OSBPL10: variants seen among roughly 807,000 people sequenced by gnomAD.
OSBPL10 encodes the protein oxysterol binding protein like 10.
A neutral mutation model predicts 81.7 loss-of-function variants in OSBPL10; 49 were observed. The observed-to-expected ratio is 0.60, with a 90% CI of 0.48 to 0.76. The LOEUF (loss-of-function observed/expected upper bound fraction) is 0.76, where lower values mean the gene tolerates loss of function less well. Among genes scored for constraint, OSBPL10 ranks in the 30% least tolerant of loss-of-function variants. The pLI, the probability that OSBPL10 is intolerant of heterozygous loss-of-function variation, is 0.00. For missense variants in OSBPL10, 923 were observed against 987.8 expected (o/e 0.93, Z 0.88); for synonymous variants, 419 against 383.6 (o/e 1.09, Z -1.08).
At chr3:32,028,182 T>G (rs1699434500) in intron 2 of OSBPL10, among the ~76,000 whole-genome samples, 1 of 152,240 alleles carries the variant, frequency 6.6e-6, no homozygotes, top group African/African-American at 2.4e-5. Context: ...TACTCATAGA[T>G]ATAAATGTAT....
At chr3:32,025,794 A>G (rs1575087778) in intron 2 of OSBPL10, among the ~76,000 whole-genome samples, 1 of 152,094 alleles carries the variant, frequency 6.6e-6, no homozygotes, top group Non-Finnish European at 1.5e-5. Flanking sequence ...TTTTACTTCT[A>G]TAAGGTCAGT....
intron 3 of OSBPL10, among the ~76,000 whole-genome samples, chr3:31,857,949 G>C (rs180690602): frequency 7.3e-4 from 110 of 151,174 alleles, no homozygotes; most frequent in African/African-American, 2.6e-3. Context: ...TCCCGTTTTT[G>C]TTTGACTGGT....
intron 1 of OSBPL10, among the ~76,000 whole-genome samples, chr3:31,933,399 A>G (rs1393867739): frequency 1.4e-5 from 2 of 144,422 alleles, no homozygotes; most frequent in Non-Finnish European, 3.1e-5. Context: ...TAAGGGGGAA[A>G]CAATAAATTT....
chr3:31,790,412 CAAG>C lies in OSBPL10; in HGVS notation c.729+39625_729+39627del, dbSNP rs369374499. ...ACCCATGAACCCCTGAGTATGCGCT[CAAG>C]AAGAAATGTGTCCTCAATCATCCTC... On this transcript the variant is annotated intron_variant, in intron 4 of 11. Transcript: ENST00000396556. 9.2e-3 allele frequency among the ~76,000 whole-genome samples: 1,400 copies of C among 152,278 alleles called. 16 individuals are homozygous for C. Among genetic ancestry groups the C allele is most frequent in the Non-Finnish European group, 0.013 (873 of 68,028 alleles).
At chr3:31,914,601 T>G (rs1209048159) in intron 1 of OSBPL10, among the ~76,000 whole-genome samples, 1 of 152,158 alleles carries the variant, frequency 6.6e-6, no homozygotes. Context: ...TGGAATTATT[T>G]GAGCCCGAGA....
chr3:31,749,634 G>T (rs1697651730), intron 4 of OSBPL10, among the ~76,000 whole-genome samples: 1 of 152,048 alleles, frequency 6.6e-6, no homozygotes, highest in Non-Finnish European at 1.5e-5. Context: ...GGCCAACATG[G>T]TGAAACCCCA....
At chr3:31,923,207 CT>C (rs1256803352) in intron 1 of OSBPL10, among the ~76,000 whole-genome samples, 3 of 152,100 alleles carry the variant, frequency 2.0e-5, no homozygotes, top group Non-Finnish European at 4.4e-5. Context: ...GCTATCCAGA[CT>C]GGTGGAGGAA....
In OSBPL10 at chr3:31,716,036, G is replaced by A. The variant is rs551751129; in HGVS notation, c.1096-13528C>T. ...TAAAGCACTGTGGGAATGCAGAGTG[G>A]CAGCGGGAAAGGCTCTAAATTAGGT... On this transcript the variant is annotated intron_variant, in intron 6 of 11. Transcript: ENST00000396556. 1.3e-3 allele frequency among the ~76,000 whole-genome samples: 200 copies of A among 152,256 alleles called. 1 individual carries two copies. Among genetic ancestry groups the A allele is most frequent in the African/African-American group, 4.2e-3 (175 of 41,532 alleles).
intron 4 of OSBPL10, among the ~76,000 whole-genome samples, chr3:31,766,927 T>C (rs1698219307): frequency 6.6e-6 from 1 of 152,156 alleles, no homozygotes. Context: ...TCCTCTTTCT[T>C]TCATTTGCAG....
chr3:31,784,271 A>G (rs1698800087), intron 4 of OSBPL10, among the ~76,000 whole-genome samples: 1 of 151,942 alleles, frequency 6.6e-6, no homozygotes, highest in Non-Finnish European at 1.5e-5. Context: ...CTGAGGCATG[A>G]GAATTGTTTG....
intron 1 of OSBPL10, among the ~76,000 whole-genome samples, chr3:32,075,614 A>C (rs577006124): frequency 6.6e-6 from 1 of 152,266 alleles, no homozygotes; most frequent in Non-Finnish European, 1.5e-5. Flanking sequence ...CTTCAGTTGA[A>C]TCTTTCCCAC....
At chr3:31,915,160 A>AT (rs55645684) in intron 1 of OSBPL10, among the ~76,000 whole-genome samples, 25,028 of 147,410 alleles carry the variant, frequency 0.17, 2,386 homozygotes, top group East Asian at 0.3. Context: ...CTTTGAACAC[A>AT]TTTTTTTTTT....
intron 1 of OSBPL10, among the ~76,000 whole-genome samples, chr3:31,891,111 C>T (rs1695880111): frequency 6.6e-6 from 1 of 152,148 alleles, no homozygotes; most frequent in South Asian, 2.1e-4. Context: ...TCTCTAAATT[C>T]CACCGTCCCT....
At chr3:31,936,806 C>T (rs185743827) in intron 1 of OSBPL10, among the ~76,000 whole-genome samples, 127 of 152,310 alleles carry the variant, frequency 8.3e-4, no homozygotes, top group Non-Finnish European at 1.6e-3. Context: ...CTATGCTCTA[C>T]ACTGGGAAAG....
intron 4 of OSBPL10, among the ~76,000 whole-genome samples, chr3:31,773,800 C>G (rs1160435944): frequency 6.6e-6 from 1 of 152,246 alleles, no homozygotes; most frequent in Admixed American, 6.5e-5. Context: ...GCAGTGCACA[C>G]TGCCTGGCAT....
At chr3:32,015,625 C>A (rs960882248) in intron 2 of OSBPL10, among the ~76,000 whole-genome samples, 4 of 152,304 alleles carry the variant, frequency 2.6e-5, no homozygotes, top group Admixed American at 1.3e-4. Flanking sequence ...TAAAGAGCTT[C>A]TGCACAGCAA....
chr3:31,731,847 TG>T (rs2125662494), intron 6 of OSBPL10, among the ~76,000 whole-genome samples: 1 of 152,264 alleles, frequency 6.6e-6, no homozygotes, highest in Admixed American at 6.5e-5. Flanking sequence ...TGCTACTGAC[TG>T]GTGAGGCAAA....
At chr3:31,760,145 C>T (rs971647589) in intron 4 of OSBPL10, among the ~76,000 whole-genome samples, 9 of 152,146 alleles carry the variant, frequency 5.9e-5, no homozygotes, top group African/African-American at 9.7e-5. Context: ...TGAAGGTCTT[C>T]GTCCTTTTCT....
At chr3:31,759,095 C>CTTTTTTTTTTTTTTTTTTTTTT (rs1559452204) in intron 4 of OSBPL10, among the ~76,000 whole-genome samples, 2 of 152,066 alleles carry the variant, frequency 1.3e-5, no homozygotes, top group African/African-American at 4.8e-5. Flanking sequence ...TTAGAAATTC[C>CTTTTTTTTTTTTTTTTTTTTTT]ATTTGTCAGA....
Sources: gnomAD v4.1 joint callset for allele counts (sites outside exome capture counted in the v4.1 genomes callset) on GRCh38, gnomAD v4.1.1 for gene constraint, MANE v1.5 for transcripts, NCBI Gene and HGNC (gene_info 2026-07-23, HGNC 2026-07-21) for gene names.